The following PLCL2 variants were observed in gnomAD, a reference collection of about 807,000 sequenced individuals.
The protein encoded by PLCL2 is phospholipase C like 2.
A neutral mutation model predicts 79.6 loss-of-function variants in PLCL2; 4 were observed. The ratio of observed to expected loss-of-function variants is 0.05; its 90% CI spans 0.02 to 0.11. The LOEUF (loss-of-function observed/expected upper bound fraction) is 0.11. PLCL2 is among the 10% of genes least tolerant of loss of function. PLCL2 has a pLI of 1.00. For synonymous variants in PLCL2, 484 were observed against 457.7 expected (o/e 1.06, Z -0.73); for missense variants, 895 against 1,291.0 (o/e 0.69, Z 4.70).
chr3:17,013,393 G>T (rs1214652514), intron 2 of PLCL2, among the ~76,000 whole-genome samples: 3 of 152,216 alleles, frequency 2.0e-5, no homozygotes, highest in Non-Finnish European at 2.9e-5. Context: ...CCTTTAAGGG[G>T]CTTGCATGCT....
rs1456320520 is a variant in PLCL2, at chr3:16,920,214, G to C, written c.327+34848G>C. 6.6e-5 allele frequency among the ~76,000 whole-genome samples: 10 copies of C among 152,268 alleles called. No homozygotes were observed. The East Asian group carries it at 1.9e-3, about 29-fold the overall frequency. ...GGAACAATAGGTACTTGAGTCACTT[G>C]ATCATGGATTCCAGATTCTGGAACA... is the stretch of plus-strand genomic sequence containing the variant. On this transcript the variant is annotated intron_variant, in intron 1 of 5. Coordinates refer to ENST00000615277, the MANE Select transcript of PLCL2 (RefSeq NM_001144382.2).
chr3:17,055,439 A>T (rs982268843), intron 4 of PLCL2, among the ~76,000 whole-genome samples: 3 of 152,190 alleles, frequency 2.0e-5, no homozygotes, highest in Admixed American at 6.5e-5. Context: ...CATTCAGAGC[A>T]AAAACTTCAA....
At chr3:17,059,412 A>G (rs972456159) in intron 4 of PLCL2, among the ~76,000 whole-genome samples, 5 of 149,674 alleles carry the variant, frequency 3.3e-5, no homozygotes, top group Non-Finnish European at 7.4e-5. Flanking sequence ...AGAGGTATGT[A>G]TGTGTGTATG....
intron 1 of PLCL2, among the ~76,000 whole-genome samples, chr3:16,943,761 T>C (rs2063576215): frequency 6.6e-6 from 1 of 152,232 alleles, no homozygotes; most frequent in Non-Finnish European, 1.5e-5. Flanking sequence ...TGGTGTTTTT[T>C]GTAAGGTTAT....
chr3:16,889,808 A>G (rs541275575), intron 1 of PLCL2, among the ~76,000 whole-genome samples: 1 of 152,212 alleles, frequency 6.6e-6, no homozygotes, highest in African/African-American at 2.4e-5. Context: ...TGCACAGGTA[A>G]CAAACACTCA....
At chr3:17,082,125 C>G (rs1234993555) in intron 5 of PLCL2, among the ~76,000 whole-genome samples, 1 of 149,960 alleles carries the variant, frequency 6.7e-6, no homozygotes, top group African/African-American at 2.5e-5. Context: ...ACAAACACCC[C>G]CACCTCTTTC....
intron 1 of PLCL2, among the ~76,000 whole-genome samples, chr3:16,962,934 A>G (rs1449663968): frequency 1.3e-5 from 2 of 152,172 alleles, no homozygotes; most frequent in African/African-American, 2.4e-5. Flanking sequence ...TTGAACCAAT[A>G]TATCTTTTCA....
intron 1 of PLCL2, among the ~76,000 whole-genome samples, chr3:16,946,409 A>G (rs1318134377): frequency 1.3e-5 from 2 of 151,916 alleles, no homozygotes; most frequent in Non-Finnish European, 2.9e-5. Flanking sequence ...TTTAAAAAAT[A>G]TTTTTAATTG....
chr3:17,038,028 A>G (rs1219305158), intron 3 of PLCL2, among the ~76,000 whole-genome samples: 6 of 152,214 alleles, frequency 3.9e-5, no homozygotes, highest in Non-Finnish European at 7.3e-5. Context: ...GATAAAAGGC[A>G]TATCTGGTTT....
intron 1 of PLCL2, among the ~76,000 whole-genome samples, chr3:16,946,500 T>A (rs1212516245): frequency 6.6e-6 from 1 of 152,210 alleles, no homozygotes; most frequent in African/African-American, 2.4e-5. Flanking sequence ...TCTGCCTACA[T>A]TATTTCAGTT....
intron 3 of PLCL2, among the ~76,000 whole-genome samples, chr3:17,032,497 A>G (rs543963415): frequency 1.3e-5 from 2 of 152,016 alleles, no homozygotes; most frequent in Admixed American, 6.6e-5. Context: ...TTAATCCTGT[A>G]GATGTGCTTT....
intron 1 of PLCL2, among the ~76,000 whole-genome samples, chr3:16,967,089 G>A (rs147942954): frequency 2.5e-4 from 38 of 152,214 alleles, no homozygotes; most frequent in African/African-American, 8.7e-4. Context: ...TGCTGCAAAT[G>A]ACATGATCTT....
At chr3:17,070,136 C>A (rs186021033) in intron 5 of PLCL2, among the ~76,000 whole-genome samples, 1 of 152,096 alleles carries the variant, frequency 6.6e-6, no homozygotes, top group Non-Finnish European at 1.5e-5. Context: ...ATGTGTGGTC[C>A]GGGAACCAGC....
At position 16,979,348 on chromosome 3, in the gene PLCL2, T is replaced by C. The variant is rs932692446; in HGVS notation, c.328-30326T>C. On this transcript the variant is annotated intron_variant, in intron 1 of 5. Coordinates refer to ENST00000615277, the MANE Select transcript of PLCL2 (RefSeq NM_001144382.2). ...TAAAGTTTATCAAATCACTTTCTTT[T>C]TTTTTTTTTTTAATCATTCTTGGGT... Among the ~76,000 whole-genome samples, 10 of 12,616 alleles carry C rather than the reference T, an allele frequency of 7.9e-4. No homozygotes were observed. The African/African-American group carries it at 8.6e-3, about 11-fold the overall frequency. The allele number at this position is 12,616 out of a possible 152,430, so 8.3% of individuals were successfully genotyped here. A position where few individuals can be genotyped will look rare whatever the true frequency, so the allele number is the denominator to read the frequency against.
At chr3:17,081,375 C>A in intron 5 of PLCL2, 1 of 398,708 alleles carries the variant, frequency 2.5e-6, no homozygotes, top group Non-Finnish European at 5.1e-6. Context: ...ACACAGGTGG[C>A]AGAGGGCAGG....
chr3:16,915,755 G>A (rs1696978879), intron 1 of PLCL2, among the ~76,000 whole-genome samples: 1 of 152,094 alleles, frequency 6.6e-6, no homozygotes. Flanking sequence ...GACATTATTT[G>A]GGTCAGGCCA....
intron 3 of PLCL2, among the ~76,000 whole-genome samples, chr3:17,030,694 C>G (rs887054807): frequency 6.6e-6 from 1 of 152,152 alleles, no homozygotes; most frequent in Non-Finnish European, 1.5e-5. Context: ...TCTTCCAGCT[C>G]TGTTATTCCT....
chr3:16,966,517 A>T (rs944303771), intron 1 of PLCL2, among the ~76,000 whole-genome samples: 8 of 152,196 alleles, frequency 5.3e-5, no homozygotes, highest in Middle Eastern at 6.8e-3. Flanking sequence ...TGGTATCAGG[A>T]TGATGTTGGC....
intron 5 of PLCL2, among the ~76,000 whole-genome samples, chr3:17,088,660 A>G (rs961518700): frequency 4.6e-5 from 7 of 152,226 alleles, no homozygotes; most frequent in Middle Eastern, 3.4e-3. Flanking sequence ...GGGGTAGCTC[A>G]CCCTCCCACT....
Sources: gnomAD v4.1 joint callset for allele counts (sites outside exome capture counted in the v4.1 genomes callset) on GRCh38, gnomAD v4.1.1 for gene constraint, MANE v1.5 for transcripts, NCBI Gene and HGNC (gene_info 2026-07-23, HGNC 2026-07-21) for gene names.